The following CTNNA3 variants were observed in gnomAD, a reference collection of about 807,000 sequenced individuals.
The protein encoded by CTNNA3 is catenin alpha 3.
In CTNNA3, 76 loss-of-function variants were observed where a neutral mutation model predicts 95.7. That is an observed-to-expected ratio of 0.79 (90% CI 0.66 to 0.96). The LOEUF (loss-of-function observed/expected upper bound fraction) is 0.96, where lower values mean the gene tolerates loss of function less well. CTNNA3 is among the 40% of genes least tolerant of loss of function. The pLI is 0.00. For synonymous variants in CTNNA3, 431 were observed against 374.4 expected, an observed-to-expected ratio of 1.15 and a Z score of -1.74; for missense variants, 1,191 against 1,089.8, an observed-to-expected ratio of 1.09 and a Z score of -1.31.
intron 5 of CTNNA3, among the ~76,000 whole-genome samples, chr10:67,509,912 T>C (rs960495771): frequency 6.6e-6 from 1 of 152,212 alleles, no homozygotes; most frequent in Non-Finnish European, 1.5e-5. Context: ...TATCTCATTG[T>C]GATTTTGATT....
rs573646715 is a variant in CTNNA3 at position 67,258,245 on chromosome 10, G to A, written c.580-38375C>T. Among the ~76,000 whole-genome samples the A allele has an allele frequency of 2.6e-5, 4 of 152,206 alleles. No homozygotes were observed. In the South Asian group the frequency reaches 6.2e-4, roughly 24 times the overall value. ...TGCAACCTCCGCCTCCCAGGTTCCA[G>A]CAATTCTCCTGCCTCAGCCTCCCGA... On this transcript the variant is annotated intron_variant, in intron 5 of 17. Coordinates refer to ENST00000433211, the MANE Select transcript of CTNNA3 (RefSeq NM_013266.4).
At chr10:65,922,637 T>A (rs1473345310) in intron 17 of CTNNA3, among the ~76,000 whole-genome samples, 5 of 152,200 alleles carry the variant, frequency 3.3e-5, no homozygotes, top group African/African-American at 1.2e-4. Context: ...CAATCCTGAT[T>A]AACCAAACTT....
Position 66,982,625 on chromosome 10 carries a change from GA to G in CTNNA3, c.1047+197691del, listed in dbSNP as rs1322008851. Reference sequence around the variant, plus strand: ...AAATTAGACAAAGACAATTGAAATAGAAAAAAATTGTTAACCTTGTGAGGTT... The same window carrying G: ...AAATTAGACAAAGACAATTGAAATAGAAAAAATTGTTAACCTTGTGAGGTT... On this transcript the variant is annotated intron_variant, in intron 7 of 17. Coordinates refer to ENST00000433211, the MANE Select transcript of CTNNA3 (RefSeq NM_013266.4). Among the ~76,000 whole-genome samples, 4 of 152,038 alleles carry G rather than the reference GA, an allele frequency of 2.6e-5. No homozygotes were observed. In the East Asian group the frequency reaches 7.7e-4, roughly 29 times the overall value.
chr10:65,991,913 G>A (rs1409937959), intron 15 of CTNNA3, among the ~76,000 whole-genome samples: 1 of 151,578 alleles, frequency 6.6e-6, no homozygotes, highest in African/African-American at 2.4e-5. Flanking sequence ...ATTATGTTGG[G>A]GTATATTCCT....
chr10:67,128,754 G>C (rs1291836494), intron 7 of CTNNA3, among the ~76,000 whole-genome samples: 1 of 151,892 alleles, frequency 6.6e-6, no homozygotes, highest in Non-Finnish European at 1.5e-5. Context: ...TAGGTGTCCT[G>C]AGCATAAAAT....
At chr10:65,990,097 A>ACG (rs2078510976) in intron 15 of CTNNA3, among the ~76,000 whole-genome samples, 1 of 68,036 alleles carries the variant, frequency 1.5e-5, no homozygotes, top group Non-Finnish European at 2.6e-5. Flanking sequence ...GTGTGTGTAT[A>ACG]CACACACACA....
intron 17 of CTNNA3, among the ~76,000 whole-genome samples, chr10:65,927,658 T>C (rs1941993): frequency 0.3 from 45,026 of 152,138 alleles, 6,745 homozygotes; most frequent in East Asian, 0.45. Context: ...CTGAGAAGTA[T>C]TACATTTTAT....
At position 67,070,405 on chromosome 10, in the gene CTNNA3, T is replaced by C. The variant is rs538370479; in HGVS notation, c.1047+109912A>G. Among the ~76,000 whole-genome samples, 6 of 152,280 alleles carry C rather than the reference T, an allele frequency of 3.9e-5. No homozygotes were observed. The South Asian group carries it at 1.0e-3, about 26-fold the overall frequency. ...TGAACAAAAGTTCTTAGTTTTAATA[T>C]AAACCAATCTCTCTCTATATATATA... is the stretch of plus-strand genomic sequence containing the variant. On this transcript the variant is annotated intron_variant, in intron 7 of 17. Coordinates refer to ENST00000433211, the MANE Select transcript of CTNNA3 (RefSeq NM_013266.4).
At chr10:66,230,527 G>C (rs780448742) in intron 13 of CTNNA3, among the ~76,000 whole-genome samples, 1 of 152,154 alleles carries the variant, frequency 6.6e-6, no homozygotes, top group Non-Finnish European at 1.5e-5. Flanking sequence ...ATCTGTGGCA[G>C]AGCTTTACTG....
chr10:66,235,233 G>A (rs989183593), intron 13 of CTNNA3, among the ~76,000 whole-genome samples: 1 of 152,080 alleles, frequency 6.6e-6, no homozygotes, highest in Non-Finnish European at 1.5e-5. Context: ...ATGTTACATA[G>A]TAAAAAATAA....
intron 13 of CTNNA3, among the ~76,000 whole-genome samples, chr10:66,131,403 G>T (rs1478770470): frequency 6.6e-6 from 1 of 152,140 alleles, no homozygotes; most frequent in Non-Finnish European, 1.5e-5. Context: ...TGCAAGGTTG[G>T]TTCAACATAT....
chr10:66,713,552 A>G (rs1368681449), intron 9 of CTNNA3, among the ~76,000 whole-genome samples: 1 of 152,058 alleles, frequency 6.6e-6, no homozygotes, highest in African/African-American at 2.4e-5. Context: ...CTGGTTCCCT[A>G]CTAATAGATT....
chr10:67,052,335 TC>T (rs1406764116), intron 7 of CTNNA3, among the ~76,000 whole-genome samples: 11 of 151,568 alleles, frequency 7.3e-5, no homozygotes, highest in South Asian at 4.2e-4. Context: ...TCTCTCTCTC[TC>T]TCTCTCTCTC....
At chr10:66,110,119 G>A (rs901308123) in intron 13 of CTNNA3, among the ~76,000 whole-genome samples, 1 of 151,924 alleles carries the variant, frequency 6.6e-6, no homozygotes, top group African/African-American at 2.4e-5. Flanking sequence ...CCAGAACTTT[G>A]GGAGGCAAAG....
chr10:67,066,036 ACTG>A (rs1339764986), intron 7 of CTNNA3, among the ~76,000 whole-genome samples: 2 of 152,088 alleles, frequency 1.3e-5, no homozygotes, highest in Non-Finnish European at 2.9e-5. Flanking sequence ...ATTTTAGAGA[ACTG>A]ATGATCTATG....
At chr10:67,196,473 TA>T (rs1751733031) in intron 6 of CTNNA3, among the ~76,000 whole-genome samples, 2 of 152,074 alleles carry the variant, frequency 1.3e-5, no homozygotes, top group Non-Finnish European at 2.9e-5. Flanking sequence ...TTAAATATAA[TA>T]CATACAGACT....
At chr10:66,720,428 G>A (rs1046591799) in intron 9 of CTNNA3, among the ~76,000 whole-genome samples, 7 of 152,180 alleles carry the variant, frequency 4.6e-5, no homozygotes, top group Admixed American at 2.0e-4. Flanking sequence ...GGCCATTGCC[G>A]TGCAGGTTTG....
At chr10:66,093,889 G>A (rs2081298147) in intron 14 of CTNNA3, among the ~76,000 whole-genome samples, 1 of 152,056 alleles carries the variant, frequency 6.6e-6, no homozygotes, top group African/African-American at 2.4e-5. Flanking sequence ...TATATGACGT[G>A]ATTCACATAT....
At chr10:65,945,355 C>T (rs777284184) in intron 17 of CTNNA3, among the ~76,000 whole-genome samples, 1 of 152,108 alleles carries the variant, frequency 6.6e-6, no homozygotes, top group Non-Finnish European at 1.5e-5. Context: ...TAATGACTGC[C>T]TATCTGCAGA....
Sources: gnomAD v4.1 joint callset for allele counts (sites outside exome capture counted in the v4.1 genomes callset) on GRCh38, gnomAD v4.1.1 for gene constraint, MANE v1.5 for transcripts, NCBI Gene and HGNC (gene_info 2026-07-23, HGNC 2026-07-21) for gene names.